The following CNTNAP5 variants were observed in gnomAD, a reference collection of about 807,000 sequenced individuals.
CNTNAP5 encodes the protein contactin associated protein family member 5.
CNTNAP5 carries 72 observed loss-of-function variants against 150.2 expected under a neutral mutation model. The observed-to-expected ratio is 0.48, with a 90% confidence interval of 0.40 to 0.58. The LOEUF is 0.58. Ranked by LOEUF, CNTNAP5 falls within the 20% of genes least tolerant of loss-of-function variation. The probability of loss-of-function intolerance (pLI) is 0.00; values close to 1 mark genes in which losing one functional copy is unlikely to be tolerated. For missense variants in CNTNAP5, 1,636 were observed against 1,626.2 expected (o/e 1.01, Z -0.10); for synonymous variants, 672 against 619.8 (o/e 1.08, Z -1.25).
intron 8 of CNTNAP5, 103 bp from the exon 9 acceptor site, chr2:124,524,200 C>A: frequency 8.4e-7 from 1 of 1,195,054 alleles, no homozygotes; most frequent in Non-Finnish European, 1.2e-6. Flanking sequence ...AGTGGGTTTG[C>A]TCTGAGAATG....
intron 11 of CNTNAP5, among the ~76,000 whole-genome samples, chr2:124,571,738 A>C (rs1696166688): frequency 6.6e-6 from 1 of 150,986 alleles, no homozygotes. Context: ...CACCATGTAG[A>C]TCAGGCTGGT....
At chr2:124,843,953 G>T (rs952919626) in intron 19 of CNTNAP5, among the ~76,000 whole-genome samples, 11 of 151,978 alleles carry the variant, frequency 7.2e-5, no homozygotes, top group Admixed American at 1.3e-4. Flanking sequence ...CCCACTCTGG[G>T]TTTTCTGTTA....
chr2:124,624,552 A>T (rs1352549861), intron 12 of CNTNAP5, among the ~76,000 whole-genome samples: 1 of 152,212 alleles, frequency 6.6e-6, no homozygotes, highest in East Asian at 1.9e-4. Context: ...TCTGTCAATT[A>T]TTCAGTTGGT....
At chr2:124,719,730 T>C (rs1047513074) in intron 13 of CNTNAP5, among the ~76,000 whole-genome samples, 1 of 152,150 alleles carries the variant, frequency 6.6e-6, no homozygotes, top group African/African-American at 2.4e-5. Flanking sequence ...GTAATTAATC[T>C]TTTTTATTAT....
chr2:124,696,514 G>A (rs986585530), intron 13 of CNTNAP5, among the ~76,000 whole-genome samples: 1 of 152,116 alleles, frequency 6.6e-6, no homozygotes, highest in Non-Finnish European at 1.5e-5. Flanking sequence ...GCCATAGTCA[G>A]CCCTGCCTTC....
chr2:124,798,390 A>C, intron 19 of CNTNAP5, 70 bp downstream of exon 19: 2 of 1,106,368 alleles, frequency 1.8e-6, no homozygotes, highest in Non-Finnish European at 1.4e-6. Context: ...GCCCTCCAGA[A>C]CTCTGCATAA....
At chr2:124,600,763 G>C (rs1170184047) in intron 11 of CNTNAP5, among the ~76,000 whole-genome samples, 1 of 114,346 alleles carries the variant, frequency 8.7e-6, no homozygotes, top group Non-Finnish European at 2.0e-5. Flanking sequence ...GAGAGAGAGA[G>C]AGAGAAAGAG....
Position 124,738,653 on chromosome 2 carries a change from C to A in CNTNAP5, c.2078-8576C>A, listed in dbSNP as rs1159582398. 1.8e-4 allele frequency among the ~76,000 whole-genome samples: 27 copies of A among 151,710 alleles called. 1 individual carries two copies. Among genetic ancestry groups the A allele is most frequent in the Non-Finnish European group, 4.0e-4 (27 of 67,960 alleles). On this transcript the variant is annotated intron_variant, in intron 13 of 23. Transcript: ENST00000682447. ...GGCTGTGGCAGGAGAATCCCTTGAA[C>A]CTGGCAGGCAGAGGTTGCAGTGAGC...
intron 1 of CNTNAP5, among the ~76,000 whole-genome samples, chr2:124,216,359 A>C (rs1264998290): frequency 6.6e-6 from 1 of 152,122 alleles, no homozygotes; most frequent in Non-Finnish European, 1.5e-5. Context: ...ATTGCATCAG[A>C]GTTTTTTTTT....
intron 3 of CNTNAP5, among the ~76,000 whole-genome samples, chr2:124,369,208 G>A (rs1262387379): frequency 6.6e-6 from 1 of 152,012 alleles, no homozygotes; most frequent in Non-Finnish European, 1.5e-5. Flanking sequence ...GGAGAGCCAG[G>A]GGCTTATAAT....
chr2:124,433,624 C>T (rs757963854), intron 4 of CNTNAP5, among the ~76,000 whole-genome samples: 1 of 151,512 alleles, frequency 6.6e-6, no homozygotes, highest in African/African-American at 2.4e-5. Context: ...GAATCAGTTT[C>T]AATTTGTAAT....
chr2:124,573,511 T>G (rs1182577818), intron 11 of CNTNAP5, among the ~76,000 whole-genome samples: 1 of 152,168 alleles, frequency 6.6e-6, no homozygotes, highest in African/African-American at 2.4e-5. Context: ...AACAAAAGAT[T>G]CCAAAATGTA....
At chr2:124,908,332 C>T (rs187185938) in intron 22 of CNTNAP5, among the ~76,000 whole-genome samples, 1 of 152,072 alleles carries the variant, frequency 6.6e-6, no homozygotes, top group East Asian at 1.9e-4. Context: ...GATCACACCA[C>T]TGCACTCCAA....
intron 1 of CNTNAP5, among the ~76,000 whole-genome samples, chr2:124,031,521 T>C (rs557672246): frequency 1.3e-5 from 2 of 152,308 alleles, no homozygotes; most frequent in Non-Finnish European, 2.9e-5. Context: ...ATCACCTGAT[T>C]GGATGCGGGA....
intron 13 of CNTNAP5, among the ~76,000 whole-genome samples, chr2:124,670,197 C>T (rs58396822): frequency 7.3e-6 from 1 of 137,086 alleles, no homozygotes; most frequent in African/African-American, 2.9e-5. Flanking sequence ...TTCTCTTTCT[C>T]TCTCTTTCCT....
chr2:124,917,370 A>G lies in CNTNAP5; in HGVS notation c.*3082A>G, dbSNP rs1211098355. ...TATGTAAGCAACAGTATATTTGCTT[A>G]CTCTAAAATATATTTATCCTACTGC... On this transcript the variant is annotated 3_prime_UTR_variant, in exon 24 of 24. Coordinates refer to ENST00000682447, the MANE Select transcript of CNTNAP5 (RefSeq NM_001367498.1). 6.6e-6 allele frequency among the ~76,000 whole-genome samples: 1 copy of G among 152,076 alleles called. No individual in the cohort carries two copies. Among genetic ancestry groups the G allele is most frequent in the Non-Finnish European group, 1.5e-5 (1 of 68,002 alleles).
chr2:124,706,929 A>G (rs1208335718), intron 13 of CNTNAP5, among the ~76,000 whole-genome samples: 134 of 19,188 alleles, frequency 7.0e-3, no homozygotes, highest in Middle Eastern at 0.023. Flanking sequence ...AAGAAGAAGA[A>G]GAAGAAGAAG....
At chr2:124,557,501 A>G (rs1268364686) in intron 10 of CNTNAP5, among the ~76,000 whole-genome samples, 7 of 152,208 alleles carry the variant, frequency 4.6e-5, no homozygotes, top group Non-Finnish European at 8.8e-5. Context: ...CCTGTCATTC[A>G]TTCACTCAAT....
rs550837025 is a variant in CNTNAP5, at chr2:124,176,870, G to A, written c.83-44835G>A. Among the ~76,000 whole-genome samples, 127 of 88,056 alleles carry A rather than the reference G, an allele frequency of 1.4e-3. 2 individuals are homozygous for A. Among genetic ancestry groups the A allele is most frequent in the East Asian group, 5.3e-3 (24 of 4,504 alleles). The allele number at this position is 88,056 out of a possible 152,430, so 57.8% of individuals were successfully genotyped here. On this transcript the variant is annotated intron_variant, in intron 1 of 23. Coordinates refer to ENST00000682447, the MANE Select transcript of CNTNAP5 (RefSeq NM_001367498.1). ...TTTTTTTTTTTTTTTTTTACATGGC[G>A]TTTCTCTCTTGTTGCCCAGGGCGGA...
Sources: allele counts gnomAD v4.1 joint callset (sites outside exome capture counted in the v4.1 genomes callset), GRCh38; gene constraint gnomAD v4.1.1; transcripts MANE v1.5; gene names NCBI Gene and HGNC (gene_info 2026-07-23, HGNC 2026-07-21).